Variants in CR2 observed in about 807,000 individuals in gnomAD.
CR2 encodes the protein complement C3d receptor 2.
In CR2, 96 loss-of-function variants were observed where a neutral mutation model predicts 123.0. That is an observed-to-expected ratio of 0.78 (90% CI 0.66 to 0.93). The LOEUF (loss-of-function observed/expected upper bound fraction) is 0.93. Among genes scored for constraint, CR2 ranks in the 40% least tolerant of loss-of-function variants. The pLI, the probability that CR2 is intolerant of heterozygous loss-of-function variation, is 0.00. For missense variants in CR2, 1,258 were observed against 1,361.0 expected, an observed-to-expected ratio of 0.92 and a Z score of 1.19; for synonymous variants, 484 against 469.5, an observed-to-expected ratio of 1.03 and a Z score of -0.40.
At chr1:207,470,181 A>G in intron 6 of CR2, 79 bp downstream of exon 6, 4 of 1,539,930 alleles carry the variant, frequency 2.6e-6, no homozygotes, top group South Asian at 1.1e-5. Context: ...GGCTTTAGGT[A>G]GGGCCTTGTC....
chr1:207,485,421 C>A lies in CR2; in HGVS notation c.3189-43C>A, dbSNP rs77137385. On this transcript the variant is annotated intron_variant, in intron 18 of 19. Coordinates refer to ENST00000367057, the MANE Select transcript of CR2 (RefSeq NM_001006658.3). ...AACAACTGCTACATTGAAACATGGT[C>A]AATGAGTAAAGATATTACATTTTTC... 2.4e-6 allele frequency: 3 copies of A among 1,228,122 alleles called. No individual in the cohort carries two copies. The South Asian group carries it at 3.6e-5, about 15-fold the overall frequency. The allele number at this position is 1,228,122 out of a possible 1,614,324, so 76.1% of individuals were successfully genotyped here.
chr1:207,454,900 A>G lies in CR2; in HGVS notation c.58+424A>G, dbSNP rs556056026. 7.2e-5 allele frequency: 12 copies of G among 166,636 alleles called. No individual in the cohort carries two copies. The highest frequency in any genetic ancestry group is 2.9e-4 in the African/African-American group (12 of 41,978). The allele number at this position is 166,636 out of a possible 1,614,324, so 10.3% of individuals were successfully genotyped here. ...CGTGAGGCTGTTTCTGTACACCCGA[A>G]CCGCGCTCTTGCCCAGCAAAAGCGG... is the stretch of plus-strand genomic sequence containing the variant. On this transcript the variant is annotated intron_variant, in intron 1 of 19. Coordinates refer to ENST00000367057, the MANE Select transcript of CR2 (RefSeq NM_001006658.3). This position sits in a 1 kb window ranked among gnomAD's most constrained non-coding sequence, Gnocchi z 4.3.
At chr1:207,458,079 C>CACAT (rs1553278536) in intron 1 of CR2, among the ~76,000 whole-genome samples, 5 of 151,176 alleles carry the variant, frequency 3.3e-5, no homozygotes, top group African/African-American at 1.2e-4. Flanking sequence ...CACACACACA[C>CACAT]ACACACACAC....
chr1:207,459,264 A>G (rs1337464763), intron 1 of CR2, among the ~76,000 whole-genome samples: 1 of 151,328 alleles, frequency 6.6e-6, no homozygotes, highest in Non-Finnish European at 1.5e-5. Context: ...ACAGGTATAC[A>G]AGCATGAGAA....
chr1:207,477,560 G>C (rs1042374041), intron 15 of CR2, among the ~76,000 whole-genome samples: 6 of 152,152 alleles, frequency 3.9e-5, no homozygotes, highest in African/African-American at 1.4e-4. Flanking sequence ...GAAAATAACA[G>C]TAATTCAGAA....
rs1037853856 is a variant in CR2 at position 207,466,776 on chromosome 1, A to G, written c.309A>G (p.Arg103=). The G allele has an allele frequency of 6.2e-7, 1 of 1,613,856 alleles. No individual in the cohort carries two copies. Among genetic ancestry groups the G allele is most frequent in the Non-Finnish European group, 8.5e-7 (1 of 1,179,982 alleles). The change falls in exon 2 of 20, where the codon AGA becomes AGG. Residue 103 remains arginine, a synonymous_variant. Coordinates refer to ENST00000367057, the MANE Select transcript of CR2 (RefSeq NM_001006658.3). The part of the protein sequence containing the change: ...EPIVPGGYKI[R]GSTPYRHGDS... ...TAGTACCAGGAGGATACAAAATTAG[A>G]GGCTCTACACCCTACAGACATGGTG...
At chr1:207,484,807 T>C (rs567625926) in intron 18 of CR2, among the ~76,000 whole-genome samples, 1 of 152,352 alleles carries the variant, frequency 6.6e-6, no homozygotes, top group African/African-American at 2.4e-5. Flanking sequence ...AACATTCTCT[T>C]CAAACTCGTT....
intron 16 of CR2, among the ~76,000 whole-genome samples, chr1:207,478,818 G>A (rs898938948): frequency 6.6e-6 from 1 of 151,830 alleles, no homozygotes; most frequent in African/African-American, 2.4e-5. Context: ...TCTAACCTGA[G>A]AAATCTCTGA....
At position 207,470,264 on chromosome 1, in the gene CR2, C is replaced by A. The variant is rs191720181; in HGVS notation, c.1225+162C>A. On this transcript the variant is annotated intron_variant, in intron 6 of 19. Transcript: ENST00000367057. ...TGTAGAGGGCATTCTTATCACTAGC[C>A]CCCCACCATTGTTTTATTTTGTGGG... Among the ~76,000 whole-genome samples the A allele has an allele frequency of 1.2e-4, 19 of 152,192 alleles. No individual in the cohort carries two copies. The East Asian group carries it at 3.5e-3, about 28-fold the overall frequency.
At position 207,466,563 on chromosome 1, in the gene CR2, C is replaced by T. The variant is rs773663604; in HGVS notation, c.96C>T (p.Gly32=). Residue 32 remains glycine (G), a synonymous_variant, in exon 2 of 20, where the codon GGC becomes GGT. Transcript: ENST00000367057. ...SCGSPPPILN[G]RISYYSTPIA... is the part of the protein sequence containing the mutation. Reference sequence around the variant, plus strand: ...GCTCTCCTCCGCCTATCCTAAATGGCCGGATTAGTTATTATTCTACCCCCA... The same window carrying T: ...GCTCTCCTCCGCCTATCCTAAATGGTCGGATTAGTTATTATTCTACCCCCA... 1 of 1,613,904 alleles carries T rather than the reference C, an allele frequency of 6.2e-7. No individual in the cohort carries two copies. The highest frequency in any genetic ancestry group is 1.7e-5 in the Admixed American group (1 of 59,984).
At chr1:207,472,690 TA>T in intron 9 of CR2, 81 bp from the exon 10 acceptor site, 1 of 1,439,010 alleles carries the variant, frequency 6.9e-7, no homozygotes, top group Non-Finnish European at 9.7e-7. Flanking sequence ...AACAGATTCA[TA>T]ACCAGCTTCA....
intron 19 of CR2, among the ~76,000 whole-genome samples, chr1:207,488,128 G>A (rs952550823): frequency 3.9e-5 from 6 of 152,184 alleles, no homozygotes; most frequent in African/African-American, 4.8e-5. Flanking sequence ...TACTCTGTCC[G>A]GGGATTATGT....
chr1:207,465,033 C>T lies in CR2; in HGVS notation c.59-1493C>T, dbSNP rs34365108. The stretch of plus-strand genomic sequence containing the variant: ...GCAACCTCCACCTCCTGGGTTCAAG[C>T]GATTCTCCTGTCTCAGCCTCCCGAG... On this transcript the variant is annotated intron_variant, in intron 1 of 19. Transcript: ENST00000367057. 2.3e-4 allele frequency among the ~76,000 whole-genome samples: 35 copies of T among 152,198 alleles called. 1 individual carries two copies. The highest frequency in any genetic ancestry group is 8.3e-4 in the South Asian group (4 of 4,818).
chr1:207,484,078 G>C (rs1658681270), intron 18 of CR2, among the ~76,000 whole-genome samples: 1 of 152,190 alleles, frequency 6.6e-6, no homozygotes. Context: ...TTTCAGCCAA[G>C]AGGCATTAGA....
At position 207,473,587 on chromosome 1, in the gene CR2, G is replaced by A; in HGVS notation, c.2021G>A (p.Gly674Asp). ...GGGCTCCACCATGGTCGTCATACAG[G>A]TGGAAATACGGTCTTCTTTGTCTCT... ...PPGLHHGRHT[G>D]GNTVFFVSGM... Residue 674 changes from glycine to aspartate, a missense_variant, in exon 11 of 20, where the codon GGT becomes GAT. By Grantham distance (94) the Gly-to-Asp change is moderately conservative (BLOSUM62 -1). Coordinates refer to ENST00000367057, the MANE Select transcript of CR2 (RefSeq NM_001006658.3). 2 of 1,613,966 alleles carry A rather than the reference G, an allele frequency of 1.2e-6. No homozygotes were observed. Among genetic ancestry groups the A allele is most frequent in the South Asian group, 2.2e-5 (2 of 91,086 alleles).
In CR2 at chr1:207,468,996, C is replaced by A. The variant is rs1658189354; in HGVS notation, c.734+97C>A. 38 of 1,426,564 alleles carry A rather than the reference C, an allele frequency of 2.7e-5. No individual in the cohort carries two copies. In the South Asian group the frequency reaches 4.3e-4, roughly 16 times the overall value. 88.4% of individuals were successfully genotyped at this position (1,426,564 alleles called of 1,614,324 possible). A position where few individuals can be genotyped will look rare whatever the true frequency, so the allele number is the denominator to read the frequency against. ...GCAGAAGTCTCCTCTGTGAGGATCT[C>A]TGGGCAGTCTGGGGTAGGGTTGTGA... On this transcript the variant is annotated intron_variant, in intron 4 of 19. Coordinates refer to ENST00000367057, the MANE Select transcript of CR2 (RefSeq NM_001006658.3).
rs867561856 is a variant in CR2 at position 207,458,413 on chromosome 1, A to G, written c.58+3937A>G. 5.9e-5 allele frequency among the ~76,000 whole-genome samples: 9 copies of G among 152,148 alleles called. No individual in the cohort carries two copies. The South Asian group carries it at 1.7e-3, about 28-fold the overall frequency. ...GTGATTCTCCTGCTTGAACTCTCCA[A>G]TGACTTCTATTCAGGATAATATTCA... On this transcript the variant is annotated intron_variant, in intron 1 of 19. Transcript: ENST00000367057.
intron 1 of CR2, among the ~76,000 whole-genome samples, chr1:207,462,303 C>A (rs965889352): frequency 6.6e-6 from 1 of 152,128 alleles, no homozygotes; most frequent in African/African-American, 2.4e-5. Flanking sequence ...AGAAATAAAT[C>A]ATAAATGCTA....
At chr1:207,473,766 C>A (rs747103950) in intron 11 of CR2, 35 bp from the exon 12 acceptor site, 5 of 1,613,736 alleles carry the variant, frequency 3.1e-6, no homozygotes, top group East Asian at 2.2e-5. Context: ...TATGAGACAT[C>A]TATAAATACT....
Sources: gnomAD v4.1 joint callset for allele counts (sites outside exome capture counted in the v4.1 genomes callset) on GRCh38, gnomAD v4.1.1 for gene constraint, Gnocchi (gnomAD v3.1) non-coding constraint, MANE v1.5 for transcripts, NCBI Gene and HGNC (gene_info 2026-07-23, HGNC 2026-07-21) for gene names.